The following RAB36 variants were observed in gnomAD, a reference collection of about 807,000 sequenced individuals.
The protein encoded by RAB36 is ras-related protein Rab-36.
In RAB36, 33 loss-of-function variants were observed where a neutral mutation model predicts 39.3. The ratio of observed to expected loss-of-function variants is 0.84; its 90% CI spans 0.64 to 1.12. The LOEUF is 1.12. Among genes scored for constraint, RAB36 ranks in the 50% most tolerant of loss-of-function variants. The pLI, the probability that RAB36 is intolerant of heterozygous loss-of-function variation, is 0.00. For missense variants in RAB36, 308 were observed against 355.3 expected, an observed-to-expected ratio of 0.87 and a Z score of 1.07; for synonymous variants, 133 against 140.2, an observed-to-expected ratio of 0.95 and a Z score of 0.36.
Position 23,161,514 on chromosome 22 carries a change from C to T in RAB36, c.754C>T (p.Pro252Ser), listed in dbSNP as rs769941335. 7 of 1,612,654 alleles carry T rather than the reference C, an allele frequency of 4.3e-6. No homozygotes were observed. Among genetic ancestry groups the T allele is most frequent in the Non-Finnish European group, 1.7e-6 (2 of 1,179,136 alleles). Reference sequence around the variant, plus strand: ...CCTCCTTACAGAAATGGAAGGGAGTCCGCCCGAGACCCAGGAGAGCAAGAG... The same window carrying T: ...CCTCCTTACAGAAATGGAAGGGAGTTCGCCCGAGACCCAGGAGAGCAAGAG... The part of the protein sequence containing the change: ...NGDLIQMEGS[P>S]PETQESKRPS... Residue 252 changes from proline (P) to serine (S), a missense_variant, in exon 11 of 11, where the codon CCG becomes TCG. Transcript: ENST00000263116.
intron 10 of RAB36, 74 bp from the exon 11 acceptor site, chr22:23,161,425 AG>A: frequency 2.3e-6 from 3 of 1,304,140 alleles, no homozygotes; most frequent in Non-Finnish European, 3.3e-6. Flanking sequence ...TCTGACTGTC[AG>A]GGCCGGCATC....
upstream of RAB36, chr22:23,145,388 G>C (rs137867464): frequency 1.9e-6 from 3 of 1,608,500 alleles, no homozygotes; most frequent in South Asian, 1.1e-5. Flanking sequence ...GGTGCAAGCT[G>C]GATGCTTGGA....
At chr22:23,157,052 T>C (rs1601931399) in intron 6 of RAB36, among the ~76,000 whole-genome samples, 1 of 152,170 alleles carries the variant, frequency 6.6e-6, no homozygotes, top group Non-Finnish European at 1.5e-5. Context: ...TTGCCTGGAA[T>C]GTTCTCCACA....
Position 23,152,467 on chromosome 22 carries a change from ACT to A in RAB36, c.172_173del (p.Ser58GlnfsTer25), listed in dbSNP as rs1466591242. The part of the protein sequence containing the change: ...RRNTGTVGLK[L>X]SKVVVVGDLY... ...ACGGCCATATTTCTCACAGGCTCAA[ACT>A]CTCCAAGGTGGTGGTGGTTGGCGAT... On this transcript the variant is annotated frameshift_variant, in exon 4 of 11. Transcript: ENST00000263116. LOFTEE classifies it high-confidence loss of function. 6.2e-7 allele frequency: 1 copy of A among 1,613,996 alleles called. No homozygotes were observed. Among genetic ancestry groups the A allele is most frequent in the East Asian group, 2.2e-5 (1 of 44,862 alleles).
chr22:23,150,014 G>A, intron 2 of RAB36, 49 bp from the exon 3 acceptor site: 1 of 1,443,286 alleles, frequency 6.9e-7, no homozygotes, highest in Non-Finnish European at 9.6e-7. Flanking sequence ...TACGAGGGCG[G>A]AGCCACAGCT....
chr22:23,154,164 C>CA (rs2071329186), intron 5 of RAB36, among the ~76,000 whole-genome samples: 1 of 152,140 alleles, frequency 6.6e-6, no homozygotes, highest in Admixed American at 6.5e-5. Context: ...GAGAATGCTG[C>CA]AGGCCTGCCT....
At chr22:23,145,625 C>T (rs1453061769) in intron 1 of RAB36, 74 bp downstream of exon 1, 49 of 1,470,382 alleles carry the variant, frequency 3.3e-5, no homozygotes, top group Non-Finnish European at 4.2e-5. Flanking sequence ...GAGGCCAGGG[C>T]CGCGAGGGCA....
rs1569218572 is a variant in RAB36 at position 23,160,933 on chromosome 22, C to CTT, written c.674_675insTT (p.Val226TrpfsTer21). 6.2e-7 allele frequency: 1 copy of CTT among 1,613,858 alleles called. No homozygotes were observed. The highest frequency in any genetic ancestry group is 8.5e-7 in the Non-Finnish European group (1 of 1,179,928). On this transcript the variant is annotated frameshift_variant, in exon 10 of 11. Coordinates refer to ENST00000263116, the MANE Select transcript of RAB36 (RefSeq NM_004914.5). LOFTEE classifies it high-confidence loss of function. ...GTAGCCGCCCTGGCATTCGAGCAGT[C>CTT]GGTGCTGCAGGACCTGGAGAGGCAG... is the stretch of plus-strand genomic sequence containing the variant.
chr22:23,155,690 G>A (rs1333042692), intron 5 of RAB36, among the ~76,000 whole-genome samples: 3 of 152,212 alleles, frequency 2.0e-5, no homozygotes, highest in African/African-American at 7.2e-5. Context: ...CAGTCAGAAG[G>A]GAGTGAGCTG....
At chr22:23,166,263 G>A (rs997935082), downstream of RAB36, among the ~76,000 whole-genome samples, 21 of 149,026 alleles carry the variant, frequency 1.4e-4, no homozygotes, top group African/African-American at 5.0e-4. Flanking sequence ...GCCAAAATGG[G>A]GCATTTTGGC....
chr22:23,164,800 C>T lies in RAB36; in HGVS notation c.*3236C>T, dbSNP rs561412805. Among the ~76,000 whole-genome samples, 3 of 152,162 alleles carry T rather than the reference C, an allele frequency of 2.0e-5. No homozygotes were observed. The highest frequency in any genetic ancestry group is 7.2e-5 in the African/African-American group (3 of 41,434). ...TCACCTGTCTCTTCTGCTGGAGACA[C>T]GTACCTGAAGCAGGTCCTCTCCTGT... On this transcript the variant is annotated 3_prime_UTR_variant, in exon 11 of 11. Transcript: ENST00000263116.
chr22:23,155,263 G>T (rs1299606931), intron 5 of RAB36, among the ~76,000 whole-genome samples: 1 of 152,240 alleles, frequency 6.6e-6, no homozygotes, highest in East Asian at 1.9e-4. Context: ...ACTCAGCCCT[G>T]CATAGTGACT....
rs778723557 is a variant in RAB36, at chr22:23,158,843, CCT to C, written c.447-54_447-53del. 1.0e-4 allele frequency: 153 copies of C among 1,532,228 alleles called. No homozygotes were observed. The African/African-American group carries it at 1.2e-3, about 12-fold the overall frequency. 94.9% of individuals were successfully genotyped at this position (1,532,228 alleles called of 1,614,324 possible). ...GAGGTCCCAAGTGTGCCCTCTGCCCCCTGTTTGGGGTGGGAGGATGGGTGAAT... is the reference window on the plus strand; with the variant it reads ...GAGGTCCCAAGTGTGCCCTCTGCCCCGTTTGGGGTGGGAGGATGGGTGAAT... On this transcript the variant is annotated intron_variant, in intron 7 of 10. Coordinates refer to ENST00000263116, the MANE Select transcript of RAB36 (RefSeq NM_004914.5).
At chr22:23,145,678 C>T in intron 1 of RAB36, 127 bp downstream of exon 1, 3 of 1,163,144 alleles carry the variant, frequency 2.6e-6, no homozygotes, top group Non-Finnish European at 3.5e-6. Context: ...TTGAAAGCGG[C>T]CTGCGGCCCC....
intron 9 of RAB36, 36 bp from the exon 10 acceptor site, chr22:23,160,842 AC>A (rs1215310572): frequency 6.3e-7 from 1 of 1,599,954 alleles, no homozygotes; most frequent in East Asian, 2.2e-5. Flanking sequence ...GCAAGGAGAA[AC>A]ACTGATGAGG....
At chr22:23,145,577 G>A (rs773504473) in intron 1 of RAB36, 26 bp downstream of exon 1, 1 of 1,586,742 alleles carries the variant, frequency 6.3e-7, no homozygotes, top group South Asian at 1.1e-5. Context: ...CACTCTGTCC[G>A]ACCCTCCCGG....
Position 23,157,995 on chromosome 22 carries a change from T to C in RAB36, c.398T>C (p.Ile133Thr). ...ASAYYRGAQV[I>T]ITAFDLTDVQ... ...TTGGCTTTTTCCGGGTGTCTAGTGA[T>C]CATCACGGCCTTTGACCTCACTGAC... The change falls in exon 7 of 11, where the codon ATC (isoleucine) becomes ACC (threonine). Residue 133 changes from isoleucine to threonine, a missense_variant. Ile to Thr is a moderately conservative substitution (Grantham distance 89). Coordinates refer to ENST00000263116, the MANE Select transcript of RAB36 (RefSeq NM_004914.5). 6.2e-7 allele frequency: 1 copy of C among 1,614,220 alleles called. No homozygotes were observed. Among genetic ancestry groups the C allele is most frequent in the Non-Finnish European group, 8.5e-7 (1 of 1,180,022 alleles).
downstream of RAB36, among the ~76,000 whole-genome samples, chr22:23,169,091 G>A (rs1464957451): frequency 6.6e-6 from 1 of 152,204 alleles, no homozygotes; most frequent in African/African-American, 2.4e-5. Flanking sequence ...ATCAATAATT[G>A]ATTCTGCAGA....
At chr22:23,146,131 C>T (rs983321827) in intron 1 of RAB36, 2 of 502,248 alleles carry the variant, frequency 4.0e-6, no homozygotes, top group East Asian at 3.0e-4. Context: ...TTCCCCCATA[C>T]CATGCTGCCT....
Sources: gnomAD v4.1 joint callset for allele counts (sites outside exome capture counted in the v4.1 genomes callset) on GRCh38, gnomAD v4.1.1 for gene constraint, MANE v1.5 for transcripts, NCBI Gene and HGNC (gene_info 2026-07-23, HGNC 2026-07-21) for gene names.